The following LUZP2 variants were observed in gnomAD, a reference collection of about 807,000 sequenced individuals.
LUZP2 encodes the protein leucine zipper protein 2.
Under a neutral mutation model 51.6 loss-of-function variants are expected in LUZP2, and 52 were observed. That is an observed-to-expected ratio of 1.01 (90% CI 0.81 to 1.27). The LOEUF is 1.27. Ranked by LOEUF, LUZP2 falls within the 50% of genes most tolerant of loss-of-function variation. The pLI, the probability that LUZP2 is intolerant of heterozygous loss-of-function variation, is 0.00. For synonymous variants in LUZP2, 154 were observed against 137.3 expected (o/e 1.12, Z -0.85); for missense variants, 436 against 395.4 (o/e 1.10, Z -0.87).
chr11:25,031,742 G>T (rs1411768153), intron 9 of LUZP2, among the ~76,000 whole-genome samples: 1 of 151,334 alleles, frequency 6.6e-6, no homozygotes, highest in East Asian at 1.9e-4. Context: ...TCCTACAAAG[G>T]GTTACCTTAG....
Position 24,983,063 on chromosome 11 carries a change from A to G in LUZP2, c.598-63A>G. The stretch of plus-strand genomic sequence containing the variant: ...AGTATAGGCTAAGAGGAAAGGGAGA[A>G]TGCAAGCAGATAATTGATGAGCATA... On this transcript the variant is annotated intron_variant, in intron 8 of 11. Transcript: ENST00000336930. 2.0e-6 allele frequency: 3 copies of G among 1,521,820 alleles called. No homozygotes were observed. In the South Asian group the frequency reaches 3.6e-5, roughly 18 times the overall value. The allele number at this position is 1,521,820 out of a possible 1,614,324, so 94.3% of individuals were successfully genotyped here.
At chr11:24,998,883 A>G (rs1345437474) in intron 9 of LUZP2, among the ~76,000 whole-genome samples, 2 of 152,130 alleles carry the variant, frequency 1.3e-5, no homozygotes, top group South Asian at 2.1e-4. Flanking sequence ...ATAACTAAAA[A>G]CAGTTACTTC....
intron 9 of LUZP2, among the ~76,000 whole-genome samples, chr11:25,019,060 T>C (rs1857251190): frequency 6.6e-6 from 1 of 152,194 alleles, no homozygotes; most frequent in African/African-American, 2.4e-5. Context: ...AGTGGCACAT[T>C]TGTTGCACTC....
rs567541652 is a variant in LUZP2, at chr11:24,912,742, G to A, written c.460-1734G>A. ...GGAGAATTGCTTGAACCAAGGAGGCGGAGGTTGCAGTGAGCTGAGAATGCG... is the reference window on the plus strand; with the variant it reads ...GGAGAATTGCTTGAACCAAGGAGGCAGAGGTTGCAGTGAGCTGAGAATGCG... On this transcript the variant is annotated intron_variant, in intron 6 of 11. Coordinates refer to ENST00000336930, the MANE Select transcript of LUZP2 (RefSeq NM_001009909.4). Among the ~76,000 whole-genome samples, 7 of 152,124 alleles carry A rather than the reference G, an allele frequency of 4.6e-5. No homozygotes were observed. The South Asian group carries it at 6.2e-4, about 14-fold the overall frequency.
At position 24,906,028 on chromosome 11, in the gene LUZP2, A is replaced by T; in HGVS notation, c.434A>T (p.Lys145Met). 4 of 1,613,282 alleles carry T rather than the reference A, an allele frequency of 2.5e-6. No individual in the cohort carries two copies. The highest frequency in any genetic ancestry group is 3.4e-6 in the Non-Finnish European group (4 of 1,179,572). ...SLKNKLLSGN[K>M]LCGIHAEESK... ...AAAAACAAACTCTTGTCAGGAAACA[A>T]GCTCTGTGGCATTCACGCAGAAGAG... The change falls in exon 6 of 12, where the codon AAG (lysine) becomes ATG (methionine). Residue 145 changes from lysine to methionine, a missense_variant. Transcript: ENST00000336930.
intron 5 of LUZP2, among the ~76,000 whole-genome samples, chr11:24,859,083 C>G (rs1851655085): frequency 1.3e-5 from 2 of 151,978 alleles, no homozygotes; most frequent in South Asian, 4.1e-4. Flanking sequence ...GGCTGAGGCA[C>G]TCATAACAAA....
intron 7 of LUZP2, among the ~76,000 whole-genome samples, chr11:24,940,555 A>T (rs1287881006): frequency 1.3e-5 from 2 of 152,208 alleles, no homozygotes; most frequent in Non-Finnish European, 2.9e-5. Context: ...CTCATCTGTA[A>T]GATGAAATTA....
At chr11:24,583,884 T>G (rs1330104626) in intron 1 of LUZP2, among the ~76,000 whole-genome samples, 2 of 151,512 alleles carry the variant, frequency 1.3e-5, no homozygotes, top group Non-Finnish European at 1.5e-5. Flanking sequence ...TTTGTATTTT[T>G]TTTTTTTTTG....
At chr11:24,782,286 G>A (rs898570211) in intron 5 of LUZP2, among the ~76,000 whole-genome samples, 1 of 152,024 alleles carries the variant, frequency 6.6e-6, no homozygotes, top group South Asian at 2.1e-4. Context: ...TCAGAGTGCA[G>A]CTGTGAAGAT....
intron 5 of LUZP2, among the ~76,000 whole-genome samples, chr11:24,809,699 T>C (rs1306350232): frequency 6.6e-6 from 1 of 152,186 alleles, no homozygotes; most frequent in East Asian, 1.9e-4. Flanking sequence ...TTTCTTTCTC[T>C]ATTTTCTCCT....
rs1254928232 is a variant in LUZP2, at chr11:24,513,751, A to G, written c.62+16446A>G. ...CAATGAATTCCATTAATACCAAACA[A>G]TCACTAAATGCTGGTAGAAATGAAT... On this transcript the variant is annotated intron_variant, in intron 1 of 11. Transcript: ENST00000336930. 2.6e-5 allele frequency among the ~76,000 whole-genome samples: 4 copies of G among 152,334 alleles called. No homozygotes were observed. The East Asian group carries it at 7.7e-4, about 29-fold the overall frequency.
At chr11:24,641,396 G>T (rs921868332) in intron 1 of LUZP2, among the ~76,000 whole-genome samples, 2 of 151,528 alleles carry the variant, frequency 1.3e-5, no homozygotes, top group African/African-American at 4.9e-5. Flanking sequence ...ATCCCTTAAG[G>T]GCATTAAAAT....
chr11:24,731,799 A>G (rs907301705), intron 2 of LUZP2, among the ~76,000 whole-genome samples: 16 of 151,834 alleles, frequency 1.1e-4, no homozygotes, highest in Admixed American at 2.0e-4. Flanking sequence ...TTGCCTGCAG[A>G]GAACACAGTA....
intron 1 of LUZP2, among the ~76,000 whole-genome samples, chr11:24,697,029 T>C (rs1314520454): frequency 6.6e-6 from 1 of 152,066 alleles, no homozygotes; most frequent in African/African-American, 2.4e-5. Flanking sequence ...CTAGGAGAAA[T>C]ATATGGATTA....
chr11:24,812,544 T>C (rs976006835), intron 5 of LUZP2, among the ~76,000 whole-genome samples: 3 of 152,176 alleles, frequency 2.0e-5, no homozygotes, highest in African/African-American at 7.2e-5. Flanking sequence ...TCTTTGCCCG[T>C]TAAAAATAGG....
chr11:24,580,645 T>C (rs1475506837), intron 1 of LUZP2, among the ~76,000 whole-genome samples: 4 of 152,168 alleles, frequency 2.6e-5, no homozygotes, highest in Non-Finnish European at 5.9e-5. Flanking sequence ...TTGCATTTTT[T>C]TGCAAATGTG....
At chr11:24,509,594 T>C (rs1850245208) in intron 1 of LUZP2, among the ~76,000 whole-genome samples, 1 of 149,648 alleles carries the variant, frequency 6.7e-6, no homozygotes, top group Admixed American at 6.7e-5. Flanking sequence ...CTTTTCTGAA[T>C]ACTTATCCTT....
chr11:24,550,712 T>G (rs1851700293), intron 1 of LUZP2, among the ~76,000 whole-genome samples: 1 of 152,110 alleles, frequency 6.6e-6, no homozygotes, highest in Non-Finnish European at 1.5e-5. Flanking sequence ...ACTCTTTTTC[T>G]TGTTGTCTAA....
At chr11:24,551,089 C>T (rs1190934119) in intron 1 of LUZP2, among the ~76,000 whole-genome samples, 2 of 151,952 alleles carry the variant, frequency 1.3e-5, no homozygotes, top group African/African-American at 2.4e-5. Flanking sequence ...TAAAATATTA[C>T]ATATGAGTAT....
Sources: gnomAD v4.1 joint callset for allele counts (sites outside exome capture counted in the v4.1 genomes callset) on GRCh38, gnomAD v4.1.1 for gene constraint, MANE v1.5 for transcripts, NCBI Gene and HGNC (gene_info 2026-07-23, HGNC 2026-07-21) for gene names.